GABRA3: variants seen among roughly 807,000 people sequenced by gnomAD.
GABRA3 encodes the protein gamma-aminobutyric acid type A receptor subunit alpha3, also known as gamma-aminobutyric acid receptor subunit alpha-3.
In GABRA3, 10 loss-of-function variants were observed where a neutral mutation model predicts 30.1. The ratio of observed to expected loss-of-function variants is 0.33; its 90% confidence interval spans 0.20 to 0.56. The LOEUF is 0.56. Among genes scored for constraint, GABRA3 ranks in the 20% least tolerant of loss-of-function variants. The probability of loss-of-function intolerance (pLI) is 0.89; values close to 1 mark genes in which losing one functional copy is unlikely to be tolerated. For synonymous variants in GABRA3, 151 were observed against 146.8 expected, an observed-to-expected ratio of 1.03 and a Z score of -0.21; for missense variants, 233 against 392.0, an observed-to-expected ratio of 0.59 and a Z score of 3.42.
intron 1 of GABRA3, among the ~76,000 whole-genome samples, chrX:152,387,212 G>A (rs1481724163): frequency 9.2e-6 from 1 of 108,230 alleles, no homozygotes; most frequent in East Asian, 2.9e-4. Flanking sequence ...ACGAGTTAAT[G>A]GGTGCAGCAC....
chrX:152,269,092 T>C (rs1938880463), intron 4 of GABRA3, among the ~76,000 whole-genome samples: 2 of 111,812 alleles, frequency 1.8e-5, no homozygotes, highest in Admixed American at 1.9e-4. Context: ...TATGATCTTA[T>C]ACCTAGAAAT....
chrX:152,209,404 C>A (rs1937610137), intron 6 of GABRA3, among the ~76,000 whole-genome samples: 1 of 111,329 alleles, frequency 9.0e-6, no homozygotes, highest in Non-Finnish European at 1.9e-5. Context: ...AACTCAGGCA[C>A]CCAGGCTCAT....
chrX:152,239,480 G>C (rs1465709489), intron 5 of GABRA3, among the ~76,000 whole-genome samples: 1 of 94,549 alleles, frequency 1.1e-5, no homozygotes, highest in Non-Finnish European at 2.1e-5. Context: ...GTTGATTTGG[G>C]GTGGAGAGTT....
rs1937437257 is a variant in GABRA3 at position 152,199,205 on chromosome X, A to C, written c.779-1420T>G. Among the ~76,000 whole-genome samples the C allele has an allele frequency of 4.6e-5, 5 of 107,700 alleles. 1 individual carries two copies. In the South Asian group the frequency reaches 2.1e-3, roughly 44 times the overall value. 93.5% of individuals were successfully genotyped at this position (107,700 alleles called of 115,157 possible). A position where few individuals can be genotyped will look rare whatever the true frequency, so the allele number is the denominator to read the frequency against. Reference sequence around the variant, plus strand: ...CATGGTGAAACCCCATCTCTACTAAAAATACAAAATATTAGCCGGGTGTGG... The same window carrying C: ...CATGGTGAAACCCCATCTCTACTAACAATACAAAATATTAGCCGGGTGTGG... On this transcript the variant is annotated intron_variant, in intron 7 of 9. Coordinates refer to ENST00000370314, the MANE Select transcript of GABRA3 (RefSeq NM_000808.4).
intron 6 of GABRA3, among the ~76,000 whole-genome samples, chrX:152,210,998 T>C (rs1021167931): frequency 1.8e-5 from 2 of 111,410 alleles, no homozygotes; most frequent in African/African-American, 6.5e-5. Context: ...TGTGCTCTCA[T>C]TTTTCCCCAG....
At chrX:152,425,098 C>T (rs1300156533) in intron 1 of GABRA3, among the ~76,000 whole-genome samples, 1 of 106,245 alleles carries the variant, frequency 9.4e-6, no homozygotes, top group African/African-American at 3.4e-5. Context: ...CCATCATGCT[C>T]AGCTAAGGTT....
At chrX:152,417,576 G>GT (rs1930261291) in intron 1 of GABRA3, among the ~76,000 whole-genome samples, 1 of 91,588 alleles carries the variant, frequency 1.1e-5, no homozygotes, top group Non-Finnish European at 2.1e-5. Context: ...ACATGCACAC[G>GT]TATGTTTATT....
At chrX:152,231,624 G>A (rs747876554) in intron 5 of GABRA3, among the ~76,000 whole-genome samples, 9 of 110,969 alleles carry the variant, frequency 8.1e-5, no homozygotes, top group Admixed American at 2.9e-4. Context: ...TAAGCTTACC[G>A]TAAGACCCTG....
At chrX:152,307,046 G>A (rs1422390294) in intron 3 of GABRA3, among the ~76,000 whole-genome samples, 1 of 109,875 alleles carries the variant, frequency 9.1e-6, no homozygotes, top group Admixed American at 9.8e-5. Flanking sequence ...TTCTCCCTTC[G>A]TACCTCATGA....
At chrX:152,229,869 C>T (rs1938033869) in intron 5 of GABRA3, among the ~76,000 whole-genome samples, 2 of 110,991 alleles carry the variant, frequency 1.8e-5, no homozygotes, top group Non-Finnish European at 3.8e-5. Flanking sequence ...AAAAACAAAA[C>T]CAGGAAGATG....
chrX:152,422,110 A>G (rs1432830680), intron 1 of GABRA3, among the ~76,000 whole-genome samples: 1 of 111,675 alleles, frequency 9.0e-6, no homozygotes, highest in Non-Finnish European at 1.9e-5. Context: ...GTTTTATTGC[A>G]ACATTACTTA....
chrX:152,265,359 C>G (rs1385585892), intron 4 of GABRA3, among the ~76,000 whole-genome samples: 1 of 111,418 alleles, frequency 9.0e-6, no homozygotes, highest in African/African-American at 3.3e-5. Flanking sequence ...GGAAACTACA[C>G]AAACACATGG....
Position 152,367,810 on chromosome X carries a change from C to G in GABRA3, c.-26-3214G>C, listed in dbSNP as rs926948671. On this transcript the variant is annotated intron_variant, in intron 1 of 9. Coordinates refer to ENST00000370314, the MANE Select transcript of GABRA3 (RefSeq NM_000808.4). ...TATTTCCCATCTCAAGTAATAGTGA[C>G]TCCTCTGCACTTCCATTTGCTCTGA... Among the ~76,000 whole-genome samples, 20 of 111,777 alleles carry G rather than the reference C, an allele frequency of 1.8e-4. No individual in the cohort carries two copies. In the Admixed American group the frequency reaches 1.9e-3, roughly 11 times the overall value.
At chrX:152,435,771 A>G (rs963778650) in intron 1 of GABRA3, among the ~76,000 whole-genome samples, 7 of 111,642 alleles carry the variant, frequency 6.3e-5, no homozygotes, top group African/African-American at 2.3e-4. Context: ...GAAAATACCA[A>G]GAATCTAAAA....
chrX:152,388,900 C>G (rs1490666671), intron 1 of GABRA3, among the ~76,000 whole-genome samples: 7 of 107,887 alleles, frequency 6.5e-5, no homozygotes, highest in Non-Finnish European at 1.1e-4. Flanking sequence ...AGGCATGCAA[C>G]AGTAGACATT....
rs73241880 is a variant in GABRA3, at chrX:152,379,037, C to T, written c.-26-14441G>A. On this transcript the variant is annotated intron_variant, in intron 1 of 9. Coordinates refer to ENST00000370314, the MANE Select transcript of GABRA3 (RefSeq NM_000808.4). ...GTCTCTCATCATAACATATCTCTTT[C>T]AGAAATTAACGTATTAGAGAGATTA... Among the ~76,000 whole-genome samples the T allele has an allele frequency of 4.8e-3, 538 of 111,367 alleles. 2 individuals carry two copies. The highest frequency in any genetic ancestry group is 8.2e-3 in the Non-Finnish European group (434 of 52,966).
chrX:152,352,489 C>T (rs57686840), intron 2 of GABRA3, among the ~76,000 whole-genome samples: 13,368 of 110,774 alleles, frequency 0.12, 664 homozygotes, highest in African/African-American at 0.17. Flanking sequence ...CTCAATGAAG[C>T]TGTCAAACTC....
intron 1 of GABRA3, among the ~76,000 whole-genome samples, chrX:152,383,618 A>C (rs1209576046): frequency 9.2e-6 from 1 of 108,713 alleles, no homozygotes. Flanking sequence ...TTAAGAAAGC[A>C]AAGGGTAAAA....
At chrX:152,382,611 T>C (rs777951143) in intron 1 of GABRA3, among the ~76,000 whole-genome samples, 1 of 112,074 alleles carries the variant, frequency 8.9e-6, no homozygotes, top group African/African-American at 3.2e-5. Context: ...CATAGAGCTT[T>C]TTCTCATCTC....
Sources: gnomAD v4.1 joint callset for allele counts (sites outside exome capture counted in the v4.1 genomes callset) on GRCh38, gnomAD v4.1.1 for gene constraint, MANE v1.5 for transcripts, NCBI Gene and HGNC (gene_info 2026-07-23, HGNC 2026-07-21) for gene names.